Variants in MTCH2 observed in about 807,000 individuals in gnomAD.
MTCH2 encodes the protein mitochondrial carrier homolog 2.
Under a neutral mutation model 50.6 loss-of-function variants are expected in MTCH2, and 25 were observed. The ratio of observed to expected loss-of-function variants is 0.49; its 90% CI spans 0.36 to 0.69. The LOEUF (loss-of-function observed/expected upper bound fraction) is 0.69, where lower values mean the gene tolerates loss of function less well. Ranked by LOEUF, MTCH2 falls within the 30% of genes least tolerant of loss-of-function variation. The pLI, the probability that MTCH2 is intolerant of heterozygous loss-of-function variation, is 0.00. For synonymous variants in MTCH2, 106 were observed against 132.0 expected (o/e 0.80, Z 1.35); for missense variants, 273 against 384.4 (o/e 0.71, Z 2.42).
the MTCH2 span, among the ~76,000 whole-genome samples, chr11:47,608,584 C>T: frequency 3.3e-5 from 5 of 152,274 alleles, no homozygotes; most frequent in East Asian, 5.8e-4. Flanking sequence ...GCTGCCAGTG[C>T]GGCACAAATG....
the MTCH2 span, among the ~76,000 whole-genome samples, chr11:47,609,266 G>T: frequency 6.6e-6 from 1 of 151,020 alleles, no homozygotes; most frequent in African/African-American, 2.4e-5. Context: ...ACCAGCCTGG[G>T]CAACATGGCA....
Position 47,638,964 on chromosome 11 carries a change from T to C in MTCH2, c.172+3A>G. 2 of 1,602,986 alleles carry C rather than the reference T, an allele frequency of 1.2e-6. No homozygotes were observed. The highest frequency in any genetic ancestry group is 1.7e-6 in the Non-Finnish European group (2 of 1,175,358). Reference sequence around the variant, plus strand: ...CAAACCCAAATAAATCAAAGGCACTTACCATAACTAAAGAGACCAGGAAGC... The same window carrying C: ...CAAACCCAAATAAATCAAAGGCACTCACCATAACTAAAGAGACCAGGAAGC... On this transcript the variant is annotated splice_donor_region_variant and intron_variant, in intron 2 of 12. Coordinates refer to ENST00000302503, the MANE Select transcript of MTCH2 (RefSeq NM_014342.4).
chr11:47,610,441 A>T, the MTCH2 span, among the ~76,000 whole-genome samples: 1 of 152,198 alleles, frequency 6.6e-6, no homozygotes, highest in Non-Finnish European at 1.5e-5. Context: ...ATGGTGGCTC[A>T]TCCCTGTAAT....
At position 47,634,714 on chromosome 11, in the gene MTCH2, T is replaced by C. The variant is rs79589707; in HGVS notation, c.327A>G (p.Val109=). 1.2e-6 allele frequency: 2 copies of C among 1,609,424 alleles called. No individual in the cohort carries two copies. Among genetic ancestry groups the C allele is most frequent in the Admixed American group, 1.7e-5 (1 of 59,800 alleles). The change falls in exon 5 of 13, where the codon GTA becomes GTG. Residue 109 remains valine, a synonymous_variant. Transcript: ENST00000302503. Reference sequence around the variant, plus strand: ...CAAAGGAAGATGAGACTTCTTTCTGTACATTTCCAGGTCCTAACTCCTGGA... The same window carrying C: ...CAAAGGAAGATGAGACTTCTTTCTGCACATTTCCAGGTCCTAACTCCTGGA... ...DKGEELGPGN[V]QKEVSSSFDH...
intron 1 of MTCH2, among the ~76,000 whole-genome samples, chr11:47,642,082 C>T (rs1598860028): frequency 6.6e-6 from 1 of 152,128 alleles, no homozygotes; most frequent in African/African-American, 2.4e-5. Flanking sequence ...CAGGATCCAC[C>T]TCAGTGACGA....
At chr11:47,622,006 A>C (rs1044197298) in intron 12 of MTCH2, among the ~76,000 whole-genome samples, 23 of 151,996 alleles carry the variant, frequency 1.5e-4, no homozygotes, top group African/African-American at 5.3e-4. Context: ...GGTAGCTGGG[A>C]CTATAGGTGC....
At chr11:47,642,131 C>T (rs1180011982) in intron 1 of MTCH2, among the ~76,000 whole-genome samples, 1 of 152,072 alleles carries the variant, frequency 6.6e-6, no homozygotes, top group Non-Finnish European at 1.5e-5. Context: ...CAGGGCAGGG[C>T]CGGGTGGCGG....
chr11:47,605,203 C>T, the MTCH2 span, among the ~76,000 whole-genome samples: 3 of 152,196 alleles, frequency 2.0e-5, no homozygotes, highest in Non-Finnish European at 4.4e-5. Context: ...GTTGGGATTA[C>T]AGGTGTGAGC....
At chr11:47,631,629 G>C in intron 6 of MTCH2, 25 bp downstream of exon 6, 1 of 1,612,820 alleles carries the variant, frequency 6.2e-7, no homozygotes, top group Non-Finnish European at 8.5e-7. Flanking sequence ...ATAAAAGAAA[G>C]GTCAGTTGTC....
At chr11:47,625,917 T>C (rs1351297838) in intron 10 of MTCH2, among the ~76,000 whole-genome samples, 176 bp from the exon 11 acceptor site, 1 of 152,142 alleles carries the variant, frequency 6.6e-6, no homozygotes, top group Non-Finnish European at 1.5e-5. Context: ...TTCTTCCTCT[T>C]AGCACACCAC....
chr11:47,610,726 T>G, the MTCH2 span, among the ~76,000 whole-genome samples: 2 of 152,030 alleles, frequency 1.3e-5, no homozygotes, highest in Non-Finnish European at 2.9e-5. Context: ...AAAACTGTAA[T>G]GAGTATTACT....
At chr11:47,641,300 C>T (rs1466768464) in intron 1 of MTCH2, among the ~76,000 whole-genome samples, 3 of 152,184 alleles carry the variant, frequency 2.0e-5, no homozygotes, top group Non-Finnish European at 4.4e-5. Flanking sequence ...AGTCTTTGTT[C>T]TAAGTACAAA....
chr11:47,636,987 TC>T, intron 3 of MTCH2, among the ~76,000 whole-genome samples: 1 of 151,444 alleles, frequency 6.6e-6, no homozygotes, highest in Non-Finnish European at 1.5e-5. Context: ...AGATGGAGTT[TC>T]ACTCTTGTCA....
chr11:47,622,853 A>G, intron 11 of MTCH2, 77 bp from the exon 12 acceptor site: 1 of 931,496 alleles, frequency 1.1e-6, no homozygotes. Flanking sequence ...CCTTGTCAAA[A>G]TATTCTGCTG....
chr11:47,625,671 T>C lies in MTCH2; in HGVS notation c.749+3A>G, dbSNP rs746941936. The C allele has an allele frequency of 8.0e-7, 1 of 1,247,844 alleles. No homozygotes were observed. The highest frequency in any genetic ancestry group is 3.8e-5 in the Admixed American group (1 of 26,534). The allele number at this position is 1,247,844 out of a possible 1,614,324, so 77.3% of individuals were successfully genotyped here. A position where few individuals can be genotyped will look rare whatever the true frequency, so the allele number is the denominator to read the frequency against. ...ACTAGAATAAGAAATACAAAGTGCT[T>C]ACCCACAGTTGTTGACAGCCATAAG... On this transcript the variant is annotated splice_donor_region_variant and intron_variant, in intron 11 of 12. Transcript: ENST00000302503.
the MTCH2 span, among the ~76,000 whole-genome samples, chr11:47,608,423 G>C: frequency 1.6e-4 from 24 of 152,086 alleles, no homozygotes; most frequent in Non-Finnish European, 2.6e-4. Context: ...AAATTTCAAA[G>C]TTCGATTGGG....
At chr11:47,630,451 G>T in intron 8 of MTCH2, 104 bp downstream of exon 8, 2 of 1,027,130 alleles carry the variant, frequency 1.9e-6, no homozygotes, top group Non-Finnish European at 3.0e-6. Context: ...GGTAAGCCCA[G>T]GGAGTACGTT....
intron 1 of MTCH2, 51 bp downstream of exon 1, chr11:47,642,328 C>G (rs2097315075): frequency 7.0e-7 from 1 of 1,437,506 alleles, no homozygotes; most frequent in African/African-American, 1.8e-5. Flanking sequence ...CCCTGAGCAG[C>G]AGCGACCGAA....
chr11:47,605,841 G>GT, the MTCH2 span, among the ~76,000 whole-genome samples: 2 of 152,312 alleles, frequency 1.3e-5, no homozygotes, highest in South Asian at 4.1e-4. Flanking sequence ...GAGTAAATAA[G>GT]TAACAAATTA....
Sources: allele counts gnomAD v4.1 joint callset (sites outside exome capture counted in the v4.1 genomes callset), GRCh38; gene constraint gnomAD v4.1.1; transcripts MANE v1.5; gene names NCBI Gene and HGNC (gene_info 2026-07-23, HGNC 2026-07-21).